OR6P1: variants seen among roughly 807,000 people sequenced by gnomAD.
OR6P1 encodes the protein olfactory receptor family 6 subfamily P member 1.
Under a neutral mutation model 6.6 loss-of-function variants are expected in OR6P1, and 5 were observed. The observed-to-expected ratio is 0.76, with a 90% CI of 0.40 to 1.60. The LOEUF (loss-of-function observed/expected upper bound fraction) is 1.60. OR6P1 is among the 40% of genes most tolerant of loss of function. OR6P1 has a pLI of 0.02. For synonymous variants in OR6P1, 177 were observed against 149.6 expected, an observed-to-expected ratio of 1.18 and a Z score of -1.33; for missense variants, 451 against 383.0, an observed-to-expected ratio of 1.18 and a Z score of -1.48.
intron 2 of OR6P1, among the ~76,000 whole-genome samples, chr1:158,564,257 G>T (rs114387362): frequency 0.014 from 2,150 of 152,248 alleles, 66 homozygotes; most frequent in African/African-American, 0.05. Context: ...CTAGAATTAG[G>T]CAGTCTTATT....
chr1:158,564,445 A>G (rs1434406653), intron 2 of OR6P1, among the ~76,000 whole-genome samples: 1 of 152,184 alleles, frequency 6.6e-6, no homozygotes, highest in Non-Finnish European at 1.5e-5. Context: ...ACAATGAAAA[A>G]GGTCTTTACA....
rs1286948406 is a variant in OR6P1 at position 158,563,154 on chromosome 1, T to C, written c.451A>G (p.Ser151Gly). 1.3e-6 allele frequency: 2 copies of C among 1,551,610 alleles called. No individual in the cohort carries two copies. Among genetic ancestry groups the C allele is most frequent in the African/African-American group, 1.4e-5 (1 of 73,088 alleles). ...ATRLAAASWG[S>G]GFFSSMMKLL... ...TTCATCATGGAGCTGAAGAAGCCAC[T>C]GCCCCAAGAGGCAGCAGCAAGGCGA... is the stretch of plus-strand genomic sequence containing the variant. The change falls in exon 3 of 3, where the codon AGT (serine) becomes GGT (glycine). Residue 151 changes from serine to glycine, a missense_variant. Ser to Gly is a moderately conservative substitution (Grantham distance 56). Coordinates refer to ENST00000641540, the MANE Select transcript of OR6P1 (RefSeq NM_001160325.2).
chr1:158,563,311 C>T lies in OR6P1; in HGVS notation c.294G>A (p.Met98Ile). ...QDGRVSYVGC[M>I]TQLYFFIALA... ...AGGCAATAAAGAAGTACAGTTGGGT[C>T]ATGCAACCTACGTAGGAGACTCTAC... The change falls in exon 3 of 3, where the codon ATG becomes ATA. Residue 98 changes from methionine (M) to isoleucine (I), a missense_variant. Physicochemically the swap from Met to Ile is conservative, Grantham distance 10 (BLOSUM62 1). Transcript: ENST00000641540. 1 of 1,551,446 alleles carries T rather than the reference C, an allele frequency of 6.4e-7. No individual in the cohort carries two copies.
rs1275787066 is a variant in OR6P1 at position 158,561,359 on chromosome 1, T to C, written c.*1292A>G. ...AACTTAAACTGTTTTAAGTATCAGA[T>C]CTTTTATTGTTATTTTGTTTTTAAT... On this transcript the variant is annotated 3_prime_UTR_variant, in exon 3 of 3. Coordinates refer to ENST00000641540, the MANE Select transcript of OR6P1 (RefSeq NM_001160325.2). 1 of 152,184 alleles carries C rather than the reference T, an allele frequency of 6.6e-6. No homozygotes were observed. Among genetic ancestry groups the C allele is most frequent in the East Asian group, 1.9e-4 (1 of 5,200 alleles). 9.4% of individuals were successfully genotyped at this position (152,184 alleles called of 1,614,324 possible). A position where few individuals can be genotyped will look rare whatever the true frequency, so the allele number is the denominator to read the frequency against.
At chr1:158,569,953 A>G (rs572645302) in intron 1 of OR6P1, among the ~76,000 whole-genome samples, 1 of 152,324 alleles carries the variant, frequency 6.6e-6, no homozygotes, top group East Asian at 1.9e-4. Flanking sequence ...TGTGTATGGC[A>G]GTCAAATTCA....
At chr1:158,570,004 G>T (rs891656423) in intron 1 of OR6P1, among the ~76,000 whole-genome samples, 3 of 152,004 alleles carry the variant, frequency 2.0e-5, no homozygotes, top group African/African-American at 4.8e-5. Flanking sequence ...ATTCGAATTC[G>T]TAGATATAGA....
Position 158,562,695 on chromosome 1 carries a change from T to A in OR6P1, c.910A>T (p.Thr304Ser). 11 of 1,559,210 alleles carry A rather than the reference T, an allele frequency of 7.1e-6. No individual in the cohort carries two copies. The highest frequency in any genetic ancestry group is 9.6e-6 in the Non-Finnish European group (11 of 1,150,818). Reference sequence around the variant, plus strand: ...GGATAGTGACATCTGCCCATCACTGTCTTCCTGAAGGCCTCCTTCACCTCC... The same window carrying A: ...GGATAGTGACATCTGCCCATCACTGACTTCCTGAAGGCCTCCTTCACCTCC... ...NKEVKEAFRK[T>S]VMGRCHYPRD... Residue 304 changes from threonine (T) to serine (S), a missense_variant, in exon 3 of 3, where the codon ACA (threonine) becomes TCA (serine). By Grantham distance (58) the Thr-to-Ser change is moderately conservative (BLOSUM62 1). Transcript: ENST00000641540.
Position 158,561,212 on chromosome 1 carries a change from G to A in OR6P1, c.*1439C>T, listed in dbSNP as rs1262994906. The A allele has an allele frequency of 6.6e-6, 1 of 152,086 alleles. No individual in the cohort carries two copies. The highest frequency in any genetic ancestry group is 2.4e-5 in the African/African-American group (1 of 41,410). 9.4% of individuals were successfully genotyped at this position (152,086 alleles called of 1,614,324 possible). ...ATCAAATTGAAATTTGCTCGTTCTAGGGTCTGAATTCTGAACTCCATGTCT... is the reference window on the plus strand; with the variant it reads ...ATCAAATTGAAATTTGCTCGTTCTAAGGTCTGAATTCTGAACTCCATGTCT... On this transcript the variant is annotated 3_prime_UTR_variant, in exon 3 of 3. Transcript: ENST00000641540.
intron 1 of OR6P1, among the ~76,000 whole-genome samples, 172 bp from the exon 2 acceptor site, chr1:158,567,030 G>A (rs863348): frequency 0.52 from 78,244 of 151,544 alleles, 20,705 homozygotes; most frequent in African/African-American, 0.64. Flanking sequence ...GCAGCCAAAA[G>A]ACACATGAGA....
rs1647973512 is a variant in OR6P1, at chr1:158,562,357, CG to C, written c.*293del. 2 of 330,556 alleles carry C rather than the reference CG, an allele frequency of 6.1e-6. No individual in the cohort carries two copies. The highest frequency in any genetic ancestry group is 1.6e-4 in the East Asian group (2 of 12,582). 20.5% of individuals were successfully genotyped at this position (330,556 alleles called of 1,614,324 possible). On this transcript the variant is annotated 3_prime_UTR_variant, in exon 3 of 3. Coordinates refer to ENST00000641540, the MANE Select transcript of OR6P1 (RefSeq NM_001160325.2). ...CCCAGGAAGTTTTGAATATTATTCA[CG>C]GCAGGGTTACATTCCACACATACTC...
intron 2 of OR6P1, among the ~76,000 whole-genome samples, chr1:158,565,415 C>T (rs1383666987): frequency 6.6e-6 from 1 of 152,110 alleles, no homozygotes; most frequent in East Asian, 1.9e-4. Context: ...TCATTTATTT[C>T]ACCAAAGTCA....
chr1:158,564,337 T>C (rs1648043949), intron 2 of OR6P1, among the ~76,000 whole-genome samples: 1 of 152,168 alleles, frequency 6.6e-6, no homozygotes, highest in South Asian at 2.1e-4. Context: ...CTGGAATCTA[T>C]AAATGTTACA....
At position 158,563,087 on chromosome 1, in the gene OR6P1, A is replaced by G. The variant is rs879166187; in HGVS notation, c.518T>C (p.Ile173Thr). ...AATATCACAGAAAAAGTGGTTGATA[A>G]TGTTGGGTCCACAGTAGGACAATTG... ...ISQLSYCGPNIINHFFCDISP... is the reference protein window; with the variant it reads ...ISQLSYCGPNTINHFFCDISP... Residue 173 changes from isoleucine to threonine, a missense_variant, in exon 3 of 3, where the codon ATT (isoleucine) becomes ACT (threonine). Physicochemically the swap from Ile to Thr is moderately conservative, Grantham distance 89 (BLOSUM62 -1). Coordinates refer to ENST00000641540, the MANE Select transcript of OR6P1 (RefSeq NM_001160325.2). 7.7e-6 allele frequency: 12 copies of G among 1,551,858 alleles called. No individual in the cohort carries two copies. Among genetic ancestry groups the G allele is most frequent in the Non-Finnish European group, 1.0e-5 (12 of 1,147,032 alleles).
At position 158,560,638 on chromosome 1, in the gene OR6P1, C is replaced by T. The variant is rs901888457; in HGVS notation, c.*2013G>A. 1.3e-5 allele frequency: 2 copies of T among 152,076 alleles called. No homozygotes were observed. The highest frequency in any genetic ancestry group is 6.5e-5 in the Admixed American group (1 of 15,268). 9.4% of individuals were successfully genotyped at this position (152,076 alleles called of 1,614,324 possible). ...GGAGTTTCTCTTACAGAAAGGAAGT[C>T]CTGAAAGCAGTTGAAGGAATAGACT... On this transcript the variant is annotated 3_prime_UTR_variant, in exon 3 of 3. Coordinates refer to ENST00000641540, the MANE Select transcript of OR6P1 (RefSeq NM_001160325.2).
chr1:158,564,483 G>A (rs975389586), intron 2 of OR6P1, among the ~76,000 whole-genome samples: 3 of 152,098 alleles, frequency 2.0e-5, no homozygotes, highest in African/African-American at 2.4e-5. Context: ...AATTTGAAAC[G>A]GACACACAGA....
intron 1 of OR6P1, among the ~76,000 whole-genome samples, chr1:158,568,326 C>G (rs1258219543): frequency 6.6e-6 from 1 of 152,136 alleles, no homozygotes; most frequent in Non-Finnish European, 1.5e-5. Context: ...GCTTTAACTT[C>G]TAGGTGTGTC....
chr1:158,562,879 G>T lies in OR6P1; in HGVS notation c.726C>A (p.Ala242=). The T allele has an allele frequency of 6.4e-7, 1 of 1,552,006 alleles. No homozygotes were observed. Among genetic ancestry groups the T allele is most frequent in the Non-Finnish European group, 8.7e-7 (1 of 1,147,070 alleles). The stretch of plus-strand genomic sequence containing the variant: ...AGATAACAACCACTGCCAGATGAGC[G>T]GCACAAGTGGAAAAGGCTTTGTGGC... The part of the protein sequence containing the change: ...RGRHKAFSTC[A]AHLAVVVIYY... Residue 242 remains alanine, a synonymous_variant, in exon 3 of 3, where the codon GCC becomes GCA. Coordinates refer to ENST00000641540, the MANE Select transcript of OR6P1 (RefSeq NM_001160325.2).
At chr1:158,570,075 AAC>A (rs796257830) in intron 1 of OR6P1, among the ~76,000 whole-genome samples, 19 of 152,326 alleles carry the variant, frequency 1.2e-4, no homozygotes, top group African/African-American at 4.3e-4. Flanking sequence ...CTACAGCCTA[AAC>A]ACACAAAGAT....
In OR6P1 at chr1:158,562,600, A is replaced by C; in HGVS notation, c.*51T>G. ...TAAAGCCTATTCTGATTCCTTGAGGAGGCCCTATTAAGATTCTGCTATTTT... is the reference window on the plus strand; with the variant it reads ...TAAAGCCTATTCTGATTCCTTGAGGCGGCCCTATTAAGATTCTGCTATTTT... On this transcript the variant is annotated 3_prime_UTR_variant, in exon 3 of 3. Transcript: ENST00000641540. 2 of 984,896 alleles carry C rather than the reference A, an allele frequency of 2.0e-6. No homozygotes were observed. The highest frequency in any genetic ancestry group is 3.1e-6 in the Non-Finnish European group (2 of 634,942). 61.0% of individuals were successfully genotyped at this position (984,896 alleles called of 1,614,324 possible).
Sources: gnomAD v4.1 joint callset for allele counts (sites outside exome capture counted in the v4.1 genomes callset) on GRCh38, gnomAD v4.1.1 for gene constraint, MANE v1.5 for transcripts, NCBI Gene and HGNC (gene_info 2026-07-23, HGNC 2026-07-21) for gene names.